The following METTL21A variants were observed in gnomAD, a reference collection of about 807,000 sequenced individuals.
METTL21A encodes protein N-lysine methyltransferase METTL21A.
Under a neutral mutation model 20.9 loss-of-function variants are expected in METTL21A, and 22 were observed. The observed-to-expected ratio is 1.05, with a 90% CI of 0.75 to 1.50. The LOEUF (loss-of-function observed/expected upper bound fraction) is 1.50, where lower values mean the gene tolerates loss of function less well. Ranked by LOEUF, METTL21A falls within the 40% of genes most tolerant of loss-of-function variation. The pLI, the probability that METTL21A is intolerant of heterozygous loss-of-function variation, is 0.00. For synonymous variants in METTL21A, 93 were observed against 102.0 expected (o/e 0.91, Z 0.53); for missense variants, 271 against 266.8 (o/e 1.02, Z -0.11).
intron 3 of METTL21A, among the ~76,000 whole-genome samples, chr2:207,591,099 T>C (rs2084947858): frequency 6.6e-6 from 1 of 152,210 alleles, no homozygotes; most frequent in Non-Finnish European, 1.5e-5. Flanking sequence ...AAGTATCATA[T>C]CAATGTCAGA....
At chr2:207,614,453 GT>G (rs2089420600) in intron 3 of METTL21A, among the ~76,000 whole-genome samples, 1 of 152,028 alleles carries the variant, frequency 6.6e-6, no homozygotes, top group Admixed American at 6.5e-5. Flanking sequence ...GAGAAAGGCT[GT>G]TTTGTAAGGT....
At chr2:207,593,916 G>A (rs1485974192) in intron 3 of METTL21A, among the ~76,000 whole-genome samples, 3 of 151,682 alleles carry the variant, frequency 2.0e-5, no homozygotes, top group African/African-American at 7.3e-5. Flanking sequence ...ACAGAGTTTC[G>A]CCATGTTGGC....
chr2:207,613,312 T>A, exon 4 of METTL21A: 1 of 1,614,100 alleles, frequency 6.2e-7, no homozygotes, highest in South Asian at 1.1e-5. Context: ...GGAGAAAAAC[T>A]CCCCAAATTT....
intron 3 of METTL21A, among the ~76,000 whole-genome samples, chr2:207,615,867 G>C (rs2089659166): frequency 6.6e-6 from 1 of 151,786 alleles, no homozygotes; most frequent in African/African-American, 2.4e-5. Context: ...CCTAAGGAGA[G>C]GTGGACTGGG....
intron 3 of METTL21A, among the ~76,000 whole-genome samples, chr2:207,582,332 C>G (rs1559057774): frequency 6.6e-6 from 1 of 152,158 alleles, no homozygotes; most frequent in Non-Finnish European, 1.5e-5. Context: ...GTAATTATTA[C>G]TATTTGCTAT....
chr2:207,599,287 A>G (rs751043980), intron 3 of METTL21A: 15 of 206,794 alleles, frequency 7.3e-5, no homozygotes, highest in Non-Finnish European at 9.9e-6. Context: ...ACAGAAATCA[A>G]GCAAAGTCAC....
intron 3 of METTL21A, among the ~76,000 whole-genome samples, chr2:207,596,179 G>A (rs531252273): frequency 2.0e-5 from 3 of 152,232 alleles, no homozygotes; most frequent in African/African-American, 7.2e-5. Context: ...TCACTCTTTT[G>A]CATGTGGATA....
chr2:207,625,909 CT>C (rs1227390324), upstream of METTL21A: 1 of 152,308 alleles, frequency 6.6e-6, no homozygotes, highest in African/African-American at 2.4e-5. Flanking sequence ...TCACAAAACC[CT>C]TTTCAACTAA....
At chr2:207,594,643 A>C (rs1559080149) in intron 3 of METTL21A, among the ~76,000 whole-genome samples, 1 of 152,040 alleles carries the variant, frequency 6.6e-6, no homozygotes, top group African/African-American at 2.4e-5. Flanking sequence ...GGCTGCTTCC[A>C]CCTCTTGGCT....
chr2:207,595,159 C>T (rs531962275), intron 3 of METTL21A, among the ~76,000 whole-genome samples: 101 of 151,722 alleles, frequency 6.7e-4, no homozygotes, highest in Non-Finnish European at 1.3e-3. Context: ...CCATACCTGG[C>T]TAATTTTTGT....
exon 4 of METTL21A, chr2:207,612,902 A>C: frequency 1.2e-6 from 1 of 800,006 alleles, no homozygotes. Context: ...GCTTTGTTTT[A>C]AAACTGCACA....
Position 207,602,304 on chromosome 2 carries a change from T to A in METTL21A, c.259+19502A>T, listed in dbSNP as rs377737239. 154 of 194,906 alleles carry A rather than the reference T, an allele frequency of 7.9e-4. 1 individual carries two copies. Among genetic ancestry groups the A allele is most frequent in the East Asian group, 2.2e-3 (27 of 12,520 alleles). 12.1% of individuals were successfully genotyped at this position (194,906 alleles called of 1,614,324 possible). The stretch of plus-strand genomic sequence containing the variant: ...GCAAGTTGATATTATAAACAGGCAG[T>A]TTTAGCACAGAAAGAAAATACTGAC... On this transcript the variant is annotated intron_variant, in intron 3 of 3. Transcript: ENST00000425132.
chr2:207,582,012 A>G (rs2083024723), exon 4 of METTL21A: 1 of 698,898 alleles, frequency 1.4e-6, no homozygotes, highest in Non-Finnish European at 2.6e-6. Context: ...TGCCTTTCTC[A>G]TAACATCACA....
downstream of METTL21A, chr2:207,612,458 TATA>T (rs2089097593): frequency 4.8e-4 from 2 of 4,168 alleles, no homozygotes; most frequent in Admixed American, 7.0e-3. Flanking sequence ...TTCCTTTATT[TATA>T]TATATATATA....
chr2:207,601,128 A>G (rs200703008), intron 3 of METTL21A: 2 of 6,492 alleles, frequency 3.1e-4, no homozygotes, highest in African/African-American at 5.3e-4. Context: ...AAGAGGCTTT[A>G]TTTTTGTTGC....
intron 3 of METTL21A, chr2:207,601,034 A>T (rs1290011290): frequency 5.3e-6 from 1 of 189,558 alleles, no homozygotes; most frequent in Non-Finnish European, 1.1e-5. Flanking sequence ...TGCAGGATTA[A>T]GTAGGGCTAA....
chr2:207,594,520 G>A lies in METTL21A; in HGVS notation c.260-12360C>T, dbSNP rs1237383942. Among the ~76,000 whole-genome samples, 2 of 152,086 alleles carry A rather than the reference G, an allele frequency of 1.3e-5. 1 individual carries two copies. The highest frequency in any genetic ancestry group is 4.8e-5 in the African/African-American group (2 of 41,418). The stretch of plus-strand genomic sequence containing the variant: ...GCTTGTGTCAGCATAATGCCCTCAA[G>A]GTTCATCTACGTTTTGGCATGCAGA... On this transcript the variant is annotated intron_variant, in intron 3 of 3. Transcript: ENST00000425132.
chr2:207,596,641 C>G (rs2086226864), intron 3 of METTL21A, among the ~76,000 whole-genome samples: 1 of 152,186 alleles, frequency 6.6e-6, no homozygotes, highest in South Asian at 2.1e-4. Context: ...TCATGTTGGC[C>G]AGGCTGATCT....
chr2:207,608,205 C>T (rs1037135265), downstream of METTL21A, among the ~76,000 whole-genome samples: 2 of 152,128 alleles, frequency 1.3e-5, no homozygotes, highest in African/African-American at 4.8e-5. Context: ...TCCCCGACTA[C>T]ATCCCAGCCC....
Sources: allele counts gnomAD v4.1 joint callset (sites outside exome capture counted in the v4.1 genomes callset), GRCh38; gene constraint gnomAD v4.1.1; transcripts MANE v1.5; gene names NCBI Gene and HGNC (gene_info 2026-07-23, HGNC 2026-07-21).